The following ANKFN1 variants were observed in gnomAD, a reference collection of about 807,000 sequenced individuals.
ANKFN1 encodes the protein ankyrin repeat and fibronectin type III domain containing 1.
ANKFN1 carries 74 observed loss-of-function variants against 108.7 expected under a neutral mutation model. That is an observed-to-expected ratio of 0.68 (90% CI 0.56 to 0.83). The LOEUF is 0.83. Ranked by LOEUF, ANKFN1 falls within the 40% of genes least tolerant of loss-of-function variation. The pLI, the probability that ANKFN1 is intolerant of heterozygous loss-of-function variation, is 0.00. For missense variants in ANKFN1, 1,505 were observed against 1,382.3 expected (o/e 1.09, Z -1.41); for synonymous variants, 547 against 516.2 (o/e 1.06, Z -0.81).
chr17:56,415,477 T>C (rs2145018780), intron 8 of ANKFN1, among the ~76,000 whole-genome samples: 1 of 152,212 alleles, frequency 6.6e-6, no homozygotes, highest in Middle Eastern at 3.4e-3. Context: ...CAGCCACATA[T>C]AAAATGAAAT....
intron 8 of ANKFN1, among the ~76,000 whole-genome samples, chr17:56,421,564 G>T (rs896287196): frequency 2.0e-5 from 3 of 152,120 alleles, no homozygotes; most frequent in Non-Finnish European, 4.4e-5. Flanking sequence ...TGTCTGCCTA[G>T]GAAAAATACA....
At chr17:56,055,566 C>CATACATATATATATATATATAT (rs1555588763) in intron 4 of ANKFN1, among the ~76,000 whole-genome samples, 1 of 47,442 alleles carries the variant, frequency 2.1e-5, no homozygotes, top group African/African-American at 1.3e-4. Context: ...GGTATATATA[C>CATACATATATATATATATATAT]ATATATATAT....
intron 11 of ANKFN1, among the ~76,000 whole-genome samples, chr17:56,452,469 G>C (rs530284161): frequency 6.6e-6 from 1 of 152,138 alleles, no homozygotes; most frequent in Non-Finnish European, 1.5e-5. Context: ...CATGCTATGC[G>C]TTTACCACTG....
At chr17:56,196,523 C>T (rs1913524259) in intron 1 of ANKFN1, among the ~76,000 whole-genome samples, 1 of 152,034 alleles carries the variant, frequency 6.6e-6, no homozygotes, top group South Asian at 2.1e-4. Flanking sequence ...CGCATGAAGC[C>T]AGGAATTCTA....
chr17:56,264,562 T>G (rs1394147080), intron 3 of ANKFN1, among the ~76,000 whole-genome samples: 1 of 152,194 alleles, frequency 6.6e-6, no homozygotes, highest in African/African-American at 2.4e-5. Context: ...TATCTCATGT[T>G]CCCTGTGCTT....
intron 2 of ANKFN1, 23 bp from the exon 3 acceptor site, chr17:56,227,894 C>A (rs1598273514): frequency 6.3e-7 from 1 of 1,592,088 alleles, no homozygotes. Context: ...TTTTAACATT[C>A]TTTTTTTCTT....
chr17:56,251,778 A>G (rs1308653669), intron 3 of ANKFN1, among the ~76,000 whole-genome samples: 1 of 152,222 alleles, frequency 6.6e-6, no homozygotes, highest in African/African-American at 2.4e-5. Flanking sequence ...GAGTTAAAAG[A>G]AGAGAAAAAA....
At chr17:56,073,154 G>T (rs1435648936) in intron 4 of ANKFN1, among the ~76,000 whole-genome samples, 1 of 151,726 alleles carries the variant, frequency 6.6e-6, no homozygotes, top group Non-Finnish European at 1.5e-5. Context: ...CACTACGTCT[G>T]GCTAATTTTC....
At chr17:56,430,623 T>C (rs920235416) in intron 8 of ANKFN1, among the ~76,000 whole-genome samples, 5 of 152,066 alleles carry the variant, frequency 3.3e-5, no homozygotes, top group African/African-American at 1.2e-4. Flanking sequence ...CAACATCATA[T>C]TGTAAACCTT....
chr17:56,146,840 T>A (rs964990962), intron 4 of ANKFN1, among the ~76,000 whole-genome samples: 1 of 152,266 alleles, frequency 6.6e-6, no homozygotes, highest in Non-Finnish European at 1.5e-5. Flanking sequence ...CAGCTCCTTG[T>A]TAGTTATGCA....
At chr17:56,394,701 A>C (rs899992590) in intron 8 of ANKFN1, among the ~76,000 whole-genome samples, 2 of 152,144 alleles carry the variant, frequency 1.3e-5, no homozygotes, top group African/African-American at 4.8e-5. Flanking sequence ...GTCTCCACTC[A>C]AGGCACATGC....
chr17:56,108,036 G>A (rs913995839), intron 4 of ANKFN1, among the ~76,000 whole-genome samples: 1 of 151,320 alleles, frequency 6.6e-6, no homozygotes. Context: ...TAATTTTTTG[G>A]TTTTGTTTTT....
In ANKFN1 at chr17:56,111,521, C is replaced by CAAA. The variant is rs201360564; in HGVS notation, c.288+65210_288+65212dup. On this transcript the variant is annotated intron_variant, in intron 4 of 12. Coordinates refer to the ANKFN1 transcript ENST00000635860. ...TTAAGACAAAACTTCTCATAAATGG[C>CAAA]AAAAAAAAAAAAAAAAGATTTGCTG... Among the ~76,000 whole-genome samples the CAAA allele has an allele frequency of 3.2e-3, 322 of 101,698 alleles. 2 individuals carry two copies. The highest frequency in any genetic ancestry group is 6.0e-3 in the South Asian group (19 of 3,144). 66.7% of individuals were successfully genotyped at this position (101,698 alleles called of 152,430 possible).
At chr17:56,449,720 G>A (rs1045979269) in intron 11 of ANKFN1, among the ~76,000 whole-genome samples, 3 of 152,116 alleles carry the variant, frequency 2.0e-5, no homozygotes, top group Non-Finnish European at 4.4e-5. Context: ...ACAATGCCAG[G>A]AAAAGACAGA....
chr17:56,481,826 A>G (rs2050715442), intron 17 of ANKFN1, among the ~76,000 whole-genome samples: 1 of 152,232 alleles, frequency 6.6e-6, no homozygotes, highest in Non-Finnish European at 1.5e-5. Flanking sequence ...TTGTGACACT[A>G]GATACTATTA....
intron 3 of ANKFN1, among the ~76,000 whole-genome samples, chr17:56,319,850 CAT>C (rs547151789): frequency 1.2e-3 from 177 of 152,266 alleles, no homozygotes; most frequent in African/African-American, 4.1e-3. Context: ...TAATTATTTA[CAT>C]GTTTTTGATG....
intron 3 of ANKFN1, among the ~76,000 whole-genome samples, chr17:56,287,465 T>C (rs1368767933): frequency 1.3e-5 from 2 of 152,172 alleles, no homozygotes; most frequent in Non-Finnish European, 2.9e-5. Flanking sequence ...GTGAAGTGCA[T>C]AGGACATTGC....
chr17:56,423,356 T>A (rs770842593), intron 8 of ANKFN1, among the ~76,000 whole-genome samples: 2 of 152,118 alleles, frequency 1.3e-5, no homozygotes, highest in Non-Finnish European at 2.9e-5. Flanking sequence ...CTTGAAACAG[T>A]ATGAGAAGCA....
intron 8 of ANKFN1, among the ~76,000 whole-genome samples, chr17:56,426,631 C>T (rs1391114268): frequency 6.6e-6 from 1 of 152,136 alleles, no homozygotes; most frequent in Non-Finnish European, 1.5e-5. Context: ...CAGCACTTTC[C>T]CAAGAAAAGT....
Sources: allele counts gnomAD v4.1 joint callset (sites outside exome capture counted in the v4.1 genomes callset), GRCh38; gene constraint gnomAD v4.1.1; transcripts MANE v1.5; gene names NCBI Gene and HGNC (gene_info 2026-07-23, HGNC 2026-07-21).